Variants in FLT1 observed in about 807,000 individuals in gnomAD.
FLT1 encodes the protein vascular endothelial growth factor receptor 1.
FLT1 carries 49 observed loss-of-function variants against 156.3 expected under a neutral mutation model. That is an observed-to-expected ratio of 0.31 (90% CI 0.25 to 0.40). The LOEUF is 0.40. FLT1 is among the 10% of genes least tolerant of loss of function. The pLI is 1.00. For synonymous variants in FLT1, 594 were observed against 583.8 expected, an observed-to-expected ratio of 1.02 and a Z score of -0.25; for missense variants, 1,322 against 1,637.2, an observed-to-expected ratio of 0.81 and a Z score of 3.32.
At chr13:28,385,712 CA>C in intron 13 of FLT1, 2 of 966,590 alleles carry the variant, frequency 2.1e-6, no homozygotes, top group South Asian at 9.8e-5. Context: ...TTAAAACATA[CA>C]AATATGATAC....
At chr13:28,468,622 G>C (rs1037000613) in intron 1 of FLT1, among the ~76,000 whole-genome samples, 1 of 152,128 alleles carries the variant, frequency 6.6e-6, no homozygotes, top group Admixed American at 6.5e-5. Flanking sequence ...TGTTTGGGTC[G>C]TGGGGGTGGA....
Position 28,466,959 on chromosome 13 carries a change from G to T in FLT1, c.332C>A (p.Ala111Asp). 6.2e-7 allele frequency: 1 copy of T among 1,614,074 alleles called. No homozygotes were observed. The highest frequency in any genetic ancestry group is 1.1e-5 in the South Asian group (1 of 91,078). Residue 111 changes from alanine (A) to aspartate (D), a missense_variant, in exon 3 of 30, where the codon GCT (alanine) becomes GAT (aspartate). By Grantham distance (126) the Ala-to-Asp change is moderately radical (BLOSUM62 -2). This residue lies in a region of FLT1 where 991 missense variants were observed against 1,254.8 expected (regional missense o/e 0.79). Coordinates refer to ENST00000282397, the MANE Select transcript of FLT1 (RefSeq NM_002019.4). The part of the protein sequence containing the change: ...HTGFYSCKYL[A>D]VPTSKKKETE... ...TTCCTTCTTCTTTGAAGTAGGTACA[G>T]CTAGATATTTGCAGCTGTAGAAGCC...
chr13:28,365,214 GC>G (rs1873245935), intron 14 of FLT1, among the ~76,000 whole-genome samples: 1 of 151,964 alleles, frequency 6.6e-6, no homozygotes, highest in African/African-American at 2.4e-5. Context: ...TAAATATCAT[GC>G]TTTTCTTTAG....
intron 25 of FLT1, 114 bp downstream of exon 25, chr13:28,317,384 A>G (rs1016350742): frequency 2.6e-6 from 2 of 780,820 alleles, no homozygotes; most frequent in African/African-American, 3.4e-5. Flanking sequence ...GGAAAGAAGA[A>G]CCTTGGCATC....
At chr13:28,467,430 C>G in intron 2 of FLT1, 91 bp downstream of exon 2, 1 of 864,438 alleles carries the variant, frequency 1.2e-6, no homozygotes, top group Non-Finnish European at 1.9e-6. Flanking sequence ...CACAGGAGAT[C>G]ACTGAGGTCC....
chr13:28,432,417 C>T (rs142888828), intron 6 of FLT1, among the ~76,000 whole-genome samples: 86 of 152,310 alleles, frequency 5.6e-4, no homozygotes, highest in African/African-American at 1.9e-3. Context: ...AGTCCCCTAA[C>T]GTAACAGACT....
At chr13:28,305,260 G>A (rs922183033) in intron 29 of FLT1, among the ~76,000 whole-genome samples, 11 of 151,980 alleles carry the variant, frequency 7.2e-5, no homozygotes, top group Non-Finnish European at 1.6e-4. Context: ...TTCTCCCTCT[G>A]TCACCCAGGC....
chr13:28,338,106 T>C (rs1020391857), intron 17 of FLT1, among the ~76,000 whole-genome samples: 8 of 152,132 alleles, frequency 5.3e-5, no homozygotes, highest in Non-Finnish European at 8.8e-5. Context: ...CCAAGCCAAA[T>C]AGAACATGCT....
chr13:28,429,277 C>A (rs1015579754), intron 8 of FLT1, among the ~76,000 whole-genome samples: 8 of 152,256 alleles, frequency 5.3e-5, no homozygotes, highest in Admixed American at 4.6e-4. Flanking sequence ...AAAGCCAAAT[C>A]AGCTCTGGTT....
At chr13:28,347,260 C>T (rs917928874) in intron 15 of FLT1, among the ~76,000 whole-genome samples, 5 of 151,722 alleles carry the variant, frequency 3.3e-5, no homozygotes, top group Middle Eastern at 3.5e-3. Context: ...CGATGGCACA[C>T]GCCTGTAATC....
At chr13:28,401,712 G>A (rs865822958) in intron 11 of FLT1, among the ~76,000 whole-genome samples, 3 of 152,126 alleles carry the variant, frequency 2.0e-5, no homozygotes, top group Non-Finnish European at 4.4e-5. Flanking sequence ...CCAACTGATG[G>A]GAAAACAGAA....
intron 15 of FLT1, among the ~76,000 whole-genome samples, chr13:28,349,566 T>C (rs894817405): frequency 2.0e-5 from 3 of 152,236 alleles, no homozygotes; most frequent in Non-Finnish European, 4.4e-5. Flanking sequence ...CAGTGGCCTT[T>C]GGCTGTCGGA....
At position 28,317,983 on chromosome 13, in the gene FLT1, C is replaced by T. The variant is rs147802275; in HGVS notation, c.3287-386G>A. ...TGAGCTTTTGTTTTTTTTGAAGAGA[C>T]GGGTCTCCCTCTGTCACCAGGCTGG... On this transcript the variant is annotated intron_variant, in intron 24 of 29. Transcript: ENST00000282397. Among the ~76,000 whole-genome samples, 296 of 151,802 alleles carry T rather than the reference C, an allele frequency of 1.9e-3. 2 individuals are homozygous for T. The highest frequency in any genetic ancestry group is 3.3e-3 in the Non-Finnish European group (224 of 67,930).
At chr13:28,491,761 C>A (rs915141970) in intron 1 of FLT1, among the ~76,000 whole-genome samples, 11 of 152,180 alleles carry the variant, frequency 7.2e-5, no homozygotes, top group African/African-American at 2.4e-4. Context: ...CAGGCCATTT[C>A]TTGGAATCAT....
chr13:28,384,811 G>T, intron 14 of FLT1, 74 bp downstream of exon 14: 4 of 1,403,206 alleles, frequency 2.9e-6, no homozygotes, highest in Non-Finnish European at 4.0e-6. Flanking sequence ...GGAAGCAGGT[G>T]ACGGGACTGT....
At position 28,389,863 on chromosome 13, in the gene FLT1, A is replaced by G; in HGVS notation, c.1902T>C (p.Tyr634=). Residue 634 remains tyrosine (Y), a synonymous_variant, in exon 13 of 30, where the codon TAT becomes TAC. Transcript: ENST00000282397. ...MNVSLQDSGT[Y]ACRARNVYTG... ...TGTATACATTCCTGGCTCTGCAGGC[A>G]TAGGTGCCTGAATCTTGCAGGGAAA... is the stretch of plus-strand genomic sequence containing the variant. 1 of 1,614,124 alleles carries G rather than the reference A, an allele frequency of 6.2e-7. No individual in the cohort carries two copies. The highest frequency in any genetic ancestry group is 8.5e-7 in the Non-Finnish European group (1 of 1,180,006).
At chr13:28,490,108 C>T (rs191087274) in intron 1 of FLT1, among the ~76,000 whole-genome samples, 96 of 152,302 alleles carry the variant, frequency 6.3e-4, no homozygotes, top group Non-Finnish European at 1.6e-4. Context: ...CTGCCGCTAG[C>T]CAGCTGTTGA....
intron 29 of FLT1, among the ~76,000 whole-genome samples, chr13:28,305,784 T>C (rs12877323): frequency 2.0e-5 from 3 of 152,084 alleles, no homozygotes; most frequent in African/African-American, 7.2e-5. Context: ...TTTTTGCAAC[T>C]TTTTTAGCTT....
intron 11 of FLT1, among the ~76,000 whole-genome samples, chr13:28,399,860 C>T (rs1875327375): frequency 6.6e-6 from 1 of 152,164 alleles, no homozygotes; most frequent in African/African-American, 2.4e-5. Context: ...TTCTGCGAAC[C>T]TTTATGTATG....
Sources: allele counts gnomAD v4.1 joint callset (sites outside exome capture counted in the v4.1 genomes callset), GRCh38; gene constraint gnomAD v4.1.1; regional missense constraint gnomAD v4.1.1; transcripts MANE v1.5; gene names NCBI Gene and HGNC (gene_info 2026-07-23, HGNC 2026-07-21).